Variants in OXR1 observed in about 807,000 individuals in gnomAD.
The protein encoded by OXR1 is oxidation resistance protein 1.
A neutral mutation model predicts 104.6 loss-of-function variants in OXR1; 41 were observed. The ratio of observed to expected loss-of-function variants is 0.39; its 90% CI spans 0.31 to 0.51. The LOEUF is 0.51. Ranked by LOEUF, OXR1 falls within the 20% of genes least tolerant of loss-of-function variation. The pLI is 0.77. For synonymous variants in OXR1, 348 were observed against 348.4 expected (o/e 1.00, Z 0.01); for missense variants, 955 against 1,031.9 (o/e 0.93, Z 1.02).
intron 1 of OXR1, among the ~76,000 whole-genome samples, chr8:106,324,548 G>GAA (rs57979286): frequency 1.6e-3 from 233 of 143,838 alleles, no homozygotes; most frequent in African/African-American, 5.0e-3. Context: ...TACAAAAAAA[G>GAA]AAAAAAAAAA....
At chr8:106,608,833 T>C (rs1271610605) in intron 3 of OXR1, among the ~76,000 whole-genome samples, 1 of 152,184 alleles carries the variant, frequency 6.6e-6, no homozygotes, top group Non-Finnish European at 1.5e-5. Flanking sequence ...TCTGGTCATG[T>C]TAGGTTTGGA....
At chr8:106,683,611 C>G (rs1828399678) in intron 5 of OXR1, among the ~76,000 whole-genome samples, 2 of 152,118 alleles carry the variant, frequency 1.3e-5, no homozygotes, top group South Asian at 4.1e-4. Flanking sequence ...AGGCATCCCT[C>G]CATCTCAAAC....
At chr8:106,336,112 G>T (rs1314501686) in intron 1 of OXR1, among the ~76,000 whole-genome samples, 1 of 152,072 alleles carries the variant, frequency 6.6e-6, no homozygotes, top group African/African-American at 2.4e-5. Context: ...AATAATAATA[G>T]AAATAAAAAG....
intron 1 of OXR1, among the ~76,000 whole-genome samples, chr8:106,327,244 T>C (rs1427684626): frequency 3.3e-5 from 5 of 152,190 alleles, no homozygotes; most frequent in Non-Finnish European, 5.9e-5. Flanking sequence ...ATTAAAAATA[T>C]AGTGAGCAAT....
rs544222412 is a variant in OXR1 at position 106,434,447 on chromosome 8, A to G, written c.23+74811A>G. On this transcript the variant is annotated intron_variant, in intron 2 of 16. Transcript: ENST00000517566. ...TCATTAAGGGTTGTAATTCTAGAGT[A>G]TAGTATGGACAGTTTCCAAAAGAAT... 7.2e-5 allele frequency among the ~76,000 whole-genome samples: 11 copies of G among 152,332 alleles called. No homozygotes were observed. The South Asian group carries it at 2.3e-3, about 32-fold the overall frequency.
rs114247581 is a variant in OXR1 at position 106,524,439 on chromosome 8, C to T, written c.220+5300C>T. Among the ~76,000 whole-genome samples the T allele has an allele frequency of 7.5e-3, 1,145 of 152,294 alleles. 16 individuals carry two copies. The highest frequency in any genetic ancestry group is 0.026 in the African/African-American group (1,097 of 41,564). On this transcript the variant is annotated intron_variant, in intron 3 of 16. Transcript: ENST00000517566. ...CTGGAATTCATATATCACGGTCCAG[C>T]TTCTGCAACTATTAGTAAAAGCTCC... is the stretch of plus-strand genomic sequence containing the variant.
At chr8:106,303,066 T>TTTTTTTTAAA (rs1217822628) in intron 1 of OXR1, among the ~76,000 whole-genome samples, 2 of 151,718 alleles carry the variant, frequency 1.3e-5, no homozygotes, top group Non-Finnish European at 1.5e-5. Context: ...AACCTGTTTT[T>TTTTTTTTAAA]TTTTTTTAAA....
At chr8:106,317,235 A>G (rs1814004540) in intron 1 of OXR1, among the ~76,000 whole-genome samples, 1 of 152,118 alleles carries the variant, frequency 6.6e-6, no homozygotes. Flanking sequence ...TCTATAGCTG[A>G]TTGATTTAAT....
chr8:106,387,676 G>A (rs1817430573), intron 2 of OXR1, among the ~76,000 whole-genome samples: 1 of 152,180 alleles, frequency 6.6e-6, no homozygotes, highest in South Asian at 2.1e-4. Context: ...AGTATTTTAA[G>A]TCTAGGGTTG....
At chr8:106,632,939 A>G (rs992009653) in intron 3 of OXR1, among the ~76,000 whole-genome samples, 1 of 152,018 alleles carries the variant, frequency 6.6e-6, no homozygotes, top group East Asian at 1.9e-4. Context: ...ACCCTGTTTC[A>G]AAAAACAGCC....
intron 3 of OXR1, among the ~76,000 whole-genome samples, chr8:106,533,609 G>T (rs1207845761): frequency 6.6e-6 from 1 of 151,966 alleles, no homozygotes; most frequent in African/African-American, 2.4e-5. Flanking sequence ...TATTATTTTG[G>T]GACTTATAGA....
At chr8:106,378,287 G>C (rs1404796087) in intron 2 of OXR1, among the ~76,000 whole-genome samples, 2 of 152,166 alleles carry the variant, frequency 1.3e-5, no homozygotes, top group African/African-American at 4.8e-5. Context: ...GCACATCCAA[G>C]TGTCAGAGGT....
chr8:106,500,170 A>G (rs1563563925), intron 2 of OXR1, among the ~76,000 whole-genome samples: 2 of 152,250 alleles, frequency 1.3e-5, no homozygotes, highest in African/African-American at 2.4e-5. Context: ...AATATAGCAT[A>G]TATTATACTG....
At chr8:106,396,562 G>A (rs2130460016) in intron 2 of OXR1, among the ~76,000 whole-genome samples, 2 of 152,200 alleles carry the variant, frequency 1.3e-5, no homozygotes, top group East Asian at 3.9e-4. Context: ...AACTCTCACA[G>A]ACCAGAGGAG....
intron 2 of OXR1, among the ~76,000 whole-genome samples, chr8:106,492,365 A>G (rs1047498494): frequency 6.6e-6 from 1 of 152,210 alleles, no homozygotes; most frequent in Non-Finnish European, 1.5e-5. Flanking sequence ...AGAAAGCTAA[A>G]ACTTCGGGTA....
intron 2 of OXR1, among the ~76,000 whole-genome samples, chr8:106,454,896 C>A (rs1269960014): frequency 6.6e-6 from 1 of 152,206 alleles, no homozygotes; most frequent in Non-Finnish European, 1.5e-5. Flanking sequence ...GACGGGGTCT[C>A]TTCCGCCTTG....
chr8:106,667,112 C>T (rs1826417706), intron 3 of OXR1, among the ~76,000 whole-genome samples: 1 of 152,136 alleles, frequency 6.6e-6, no homozygotes, highest in Admixed American at 6.5e-5. Context: ...GCATTGATAG[C>T]AATGAGTCCC....
At chr8:106,412,338 G>T (rs924094008) in intron 2 of OXR1, among the ~76,000 whole-genome samples, 1 of 152,090 alleles carries the variant, frequency 6.6e-6, no homozygotes, top group East Asian at 1.9e-4. Flanking sequence ...GTAGGATGGG[G>T]AAATTGTGTC....
chr8:106,602,387 G>A (rs1204746281), intron 3 of OXR1, among the ~76,000 whole-genome samples: 4 of 152,188 alleles, frequency 2.6e-5, no homozygotes, highest in Non-Finnish European at 1.5e-5. Context: ...GAGTGGCTTG[G>A]AAAGAAGTAG....
Sources: gnomAD v4.1 joint callset for allele counts (sites outside exome capture counted in the v4.1 genomes callset) on GRCh38, gnomAD v4.1.1 for gene constraint, MANE v1.5 for transcripts, NCBI Gene and HGNC (gene_info 2026-07-23, HGNC 2026-07-21) for gene names.